DOCK9: variants seen among roughly 807,000 people sequenced by gnomAD.
DOCK9 encodes the protein dedicator of cytokinesis protein 9.
DOCK9 carries 89 observed loss-of-function variants against 263.3 expected under a neutral mutation model. The ratio of observed to expected loss-of-function variants is 0.34; its 90% CI spans 0.28 to 0.40. The LOEUF (loss-of-function observed/expected upper bound fraction) is 0.40. Ranked by LOEUF, DOCK9 falls within the 10% of genes least tolerant of loss-of-function variation. The probability of loss-of-function intolerance (pLI) is 1.00; values close to 1 mark genes in which losing one functional copy is unlikely to be tolerated. For missense variants in DOCK9, 2,140 were observed against 2,603.4 expected (o/e 0.82, Z 3.87); for synonymous variants, 976 against 973.1 (o/e 1.00, Z -0.06).
In DOCK9 at chr13:98,847,851, AAAAC is replaced by A. The variant is rs903807622; in HGVS notation, c.4061+737_4061+740del. Among the ~76,000 whole-genome samples, 9 of 152,350 alleles carry A rather than the reference AAAAC, an allele frequency of 5.9e-5. No homozygotes were observed. The East Asian group carries it at 7.7e-4, about 13-fold the overall frequency. ...CACAGAATGGCTCACAACACAGAAA[AAAAC>A]AAACAGACAATCTGAATGGCAGTGG... On this transcript the variant is annotated intron_variant, in intron 37 of 52. Coordinates refer to ENST00000682017, the MANE Select transcript of DOCK9 (RefSeq NM_001366683.2).
intron 32 of DOCK9, among the ~76,000 whole-genome samples, chr13:98,862,335 T>C (rs558952942): frequency 1.3e-4 from 20 of 152,278 alleles, no homozygotes; most frequent in Non-Finnish European, 1.9e-4. Flanking sequence ...ATCTAAGATG[T>C]AAGTTAAGAT....
intron 1 of DOCK9, among the ~76,000 whole-genome samples, chr13:99,063,450 G>A (rs948669659): frequency 7.9e-5 from 12 of 152,204 alleles, no homozygotes; most frequent in African/African-American, 1.9e-4. Flanking sequence ...TCCACCCTGC[G>A]ACTCCCACAA....
At chr13:98,910,390 G>C (rs1388601914) in intron 9 of DOCK9, among the ~76,000 whole-genome samples, 2 of 152,126 alleles carry the variant, frequency 1.3e-5, no homozygotes, top group African/African-American at 4.8e-5. Context: ...ACCAGTTTTA[G>C]GGTAAATACA....
At chr13:99,024,053 G>A (rs1886434184) in intron 1 of DOCK9, among the ~76,000 whole-genome samples, 1 of 152,178 alleles carries the variant, frequency 6.6e-6, no homozygotes, top group African/African-American at 2.4e-5. Context: ...TGTTACAGGA[G>A]GTCATGGAGC....
At chr13:98,955,645 T>A in intron 1 of DOCK9, 94 bp from the exon 2 acceptor site, 1 of 851,664 alleles carries the variant, frequency 1.2e-6, no homozygotes, top group Non-Finnish European at 1.8e-6. Context: ...GTTTTGTATT[T>A]TCTACAATTA....
Position 98,860,353 on chromosome 13 carries a change from G to A in DOCK9, c.3697+52C>T, listed in dbSNP as rs965904654. 4 of 1,552,328 alleles carry A rather than the reference G, an allele frequency of 2.6e-6. No homozygotes were observed. In the East Asian group the frequency reaches 7.3e-5, roughly 28 times the overall value. On this transcript the variant is annotated intron_variant, in intron 33 of 52. Coordinates refer to ENST00000682017, the MANE Select transcript of DOCK9 (RefSeq NM_001366683.2). ...CACGTTCACCAACTATTGGCTCCAA[G>A]ACACTTTCAGAGTGATGGTGGAGAG...
In DOCK9 at chr13:98,794,404, A is replaced by T; in HGVS notation, c.*222T>A. On this transcript the variant is annotated 3_prime_UTR_variant, in exon 53 of 53. Coordinates refer to ENST00000682017, the MANE Select transcript of DOCK9 (RefSeq NM_001366683.2). ...GTCTACCACACCTTTGTTAAGACAC[A>T]ATGAAAACTTTGAATATTGCCAGTG... is the stretch of plus-strand genomic sequence containing the variant. 1.8e-6 allele frequency: 1 copy of T among 566,538 alleles called. No homozygotes were observed. Among genetic ancestry groups the T allele is most frequent in the East Asian group, 3.0e-5 (1 of 33,492 alleles). 35.1% of individuals were successfully genotyped at this position (566,538 alleles called of 1,614,324 possible).
chr13:99,031,082 T>G (rs1887288851), intron 1 of DOCK9, among the ~76,000 whole-genome samples: 1 of 151,810 alleles, frequency 6.6e-6, no homozygotes, highest in Non-Finnish European at 1.5e-5. Flanking sequence ...CAACATAGAC[T>G]TTATAATAAA....
chr13:99,004,784 GACAC>G (rs10533387), intron 1 of DOCK9, among the ~76,000 whole-genome samples: 9,352 of 148,036 alleles, frequency 0.063, 340 homozygotes, highest in African/African-American at 0.093. Context: ...AAAAACTATA[GACAC>G]ACACACACAC....
chr13:99,071,360 T>C (rs1391353130), intron 1 of DOCK9, among the ~76,000 whole-genome samples: 2 of 140,410 alleles, frequency 1.4e-5, no homozygotes, highest in East Asian at 4.5e-4. Flanking sequence ...GGCCTTGAAC[T>C]CCTGGTCTCA....
chr13:98,906,513 T>C (rs769844074), intron 9 of DOCK9, among the ~76,000 whole-genome samples: 2 of 152,198 alleles, frequency 1.3e-5, no homozygotes, highest in Non-Finnish European at 2.9e-5. Flanking sequence ...GTCTCCACAG[T>C]TAAGTCTATG....
At chr13:99,005,120 C>T (rs1883097150) in intron 1 of DOCK9, among the ~76,000 whole-genome samples, 1 of 151,934 alleles carries the variant, frequency 6.6e-6, no homozygotes, top group Admixed American at 6.6e-5. Context: ...GAGGATGCAG[C>T]TGCCACGCTG....
chr13:98,942,232 G>GT (rs1200970916), intron 2 of DOCK9, among the ~76,000 whole-genome samples: 19 of 90,454 alleles, frequency 2.1e-4, no homozygotes, highest in African/African-American at 7.7e-4. Flanking sequence ...TTTTTTTTTT[G>GT]TTGTTTTTTT....
chr13:98,826,942 G>T, intron 43 of DOCK9, 55 bp from the exon 44 acceptor site: 1 of 1,364,088 alleles, frequency 7.3e-7, no homozygotes, highest in East Asian at 2.3e-5. Context: ...AAGTCATAAT[G>T]CTCCCACACA....
intron 27 of DOCK9, among the ~76,000 whole-genome samples, chr13:98,874,229 G>A (rs759018957): frequency 5.9e-5 from 9 of 152,176 alleles, no homozygotes; most frequent in Non-Finnish European, 8.8e-5. Context: ...TACAGGATAT[G>A]GACCCAAATG....
In DOCK9 at chr13:98,901,841, T is replaced by G. The variant is rs371750332; in HGVS notation, c.1440A>C (p.Lys480Asn). The G allele has an allele frequency of 3.1e-6, 5 of 1,612,794 alleles. No homozygotes were observed. Among genetic ancestry groups the G allele is most frequent in the Non-Finnish European group, 4.2e-6 (5 of 1,179,350 alleles). Residue 480 changes from lysine to asparagine, a missense_variant, in exon 13 of 53, where the codon AAA becomes AAC. Coordinates refer to ENST00000682017, the MANE Select transcript of DOCK9 (RefSeq NM_001366683.2). The stretch of plus-strand genomic sequence containing the variant: ...AATGTGTGATGCTCCCCTGAAGGAC[T>G]TTTTCAATTCTGGCCACAAGAAATA... ...PDIFLVARIE[K>N]VLQGSITHCA...
chr13:98,894,378 T>C (rs1410263878), intron 15 of DOCK9, among the ~76,000 whole-genome samples: 2 of 152,324 alleles, frequency 1.3e-5, no homozygotes, highest in East Asian at 3.9e-4. Flanking sequence ...CCATGATTAT[T>C]TGGCATATAT....
intron 15 of DOCK9, among the ~76,000 whole-genome samples, chr13:98,895,408 T>C (rs1397487112): frequency 6.6e-6 from 1 of 152,116 alleles, no homozygotes; most frequent in Non-Finnish European, 1.5e-5. Flanking sequence ...GGCTCATGCC[T>C]GTAATCCCAG....
upstream of DOCK9, among the ~76,000 whole-genome samples, chr13:99,087,579 A>G (rs2042376189): frequency 6.6e-6 from 1 of 151,958 alleles, no homozygotes; most frequent in South Asian, 2.1e-4. Context: ...CCAATACCCT[A>G]ACCGCTTTCC....
Sources: allele counts gnomAD v4.1 joint callset (sites outside exome capture counted in the v4.1 genomes callset), GRCh38; gene constraint gnomAD v4.1.1; transcripts MANE v1.5; gene names NCBI Gene and HGNC (gene_info 2026-07-23, HGNC 2026-07-21).